DNAH8: variants seen among roughly 807,000 people sequenced by gnomAD.
DNAH8 encodes the protein axonemal beta dynein heavy chain 8.
In DNAH8, 382 loss-of-function variants were observed where a neutral mutation model predicts 562.1. The ratio of observed to expected loss-of-function variants is 0.68; its 90% CI spans 0.63 to 0.74. The LOEUF is 0.74. DNAH8 is among the 30% of genes least tolerant of loss of function. The pLI is 0.00. For synonymous variants in DNAH8, 1,881 were observed against 1,919.4 expected, an observed-to-expected ratio of 0.98 and a Z score of 0.52; for missense variants, 5,203 against 5,620.4, an observed-to-expected ratio of 0.93 and a Z score of 2.37.
At chr6:38,725,878 A>T (rs182329305) in intron 3 of DNAH8, among the ~76,000 whole-genome samples, 10 of 152,324 alleles carry the variant, frequency 6.6e-5, no homozygotes, top group Admixed American at 6.5e-4. Context: ...ACCAAATAGT[A>T]AGAGGATTTT....
intron 10 of DNAH8, among the ~76,000 whole-genome samples, chr6:38,761,317 G>A (rs1455814075): frequency 7.9e-6 from 1 of 126,918 alleles, no homozygotes; most frequent in East Asian, 2.4e-4. Context: ...GTGTCCATGT[G>A]TTCTCATTGT....
intron 66 of DNAH8, among the ~76,000 whole-genome samples, chr6:38,912,739 C>A (rs1045890948): frequency 6.6e-6 from 1 of 151,932 alleles, no homozygotes; most frequent in African/African-American, 2.4e-5. Flanking sequence ...TGTATACTTA[C>A]AATTAAACAA....
intron 60 of DNAH8, among the ~76,000 whole-genome samples, 154 bp from the exon 61 acceptor site, chr6:38,898,100 CTAAA>C (rs1779820611): frequency 6.6e-6 from 1 of 152,026 alleles, no homozygotes; most frequent in East Asian, 1.9e-4. Context: ...ATGGAAATAA[CTAAA>C]AGTAGACTAA....
chr6:38,792,000 C>G (rs934438435), intron 21 of DNAH8, among the ~76,000 whole-genome samples: 6 of 152,208 alleles, frequency 3.9e-5, no homozygotes, highest in African/African-American at 1.4e-4. Context: ...CATACTTTCC[C>G]TCTAAGTCAC....
At chr6:38,726,351 G>T (rs1468218144) in intron 3 of DNAH8, among the ~76,000 whole-genome samples, 1 of 152,188 alleles carries the variant, frequency 6.6e-6, no homozygotes, top group Non-Finnish European at 1.5e-5. Context: ...TTAAGTATTT[G>T]CCATCTGTAT....
chr6:38,819,161 C>T (rs577890804), intron 26 of DNAH8, among the ~76,000 whole-genome samples: 4 of 152,306 alleles, frequency 2.6e-5, no homozygotes, highest in African/African-American at 4.8e-5. Context: ...TAGGAGCCTT[C>T]GTCTCACATG....
chr6:38,822,731 G>C, intron 26 of DNAH8, 107 bp from the exon 27 acceptor site: 1 of 867,870 alleles, frequency 1.2e-6, no homozygotes, highest in Non-Finnish European at 1.7e-6. Flanking sequence ...CTTGGAGGGA[G>C]AATCTTTAAG....
rs763953846 is a variant in DNAH8, at chr6:38,864,040, T to C, written c.6478T>C (p.Phe2160Leu). 23 of 1,607,898 alleles carry C rather than the reference T, an allele frequency of 1.4e-5. No individual in the cohort carries two copies. The South Asian group carries it at 2.6e-4, about 18-fold the overall frequency. ...DGDCVDLNPE[F>L]GIFLTMNPGY... ...TGATTGTGTTGATTTAAATCCAGAA[T>C]TTGGAATCTTCTTAACGATGGTGAG... The change falls in exon 45 of 93, where the codon TTT becomes CTT. Residue 2160 changes from phenylalanine to leucine, a missense_variant. Coordinates refer to ENST00000327475, the MANE Select transcript of DNAH8 (RefSeq NM_001206927.2).
At chr6:38,922,889 T>C (rs553323338) in intron 71 of DNAH8, 169 bp from the exon 72 acceptor site, 8 of 638,968 alleles carry the variant, frequency 1.3e-5, no homozygotes, top group African/African-American at 9.2e-5. Flanking sequence ...CACTATATTA[T>C]GAATGATCAA....
In DNAH8 at chr6:38,911,534, T is replaced by G. The variant is rs763966538; in HGVS notation, c.9807T>G (p.Ile3269Met). 6.2e-7 allele frequency: 1 copy of G among 1,613,816 alleles called. No individual in the cohort carries two copies. The highest frequency in any genetic ancestry group is 1.1e-5 in the South Asian group (1 of 91,068). ...YLSFINGYKN[I>M]YAEKVKFINE... ...CATTTATAAATGGTTATAAAAACAT[T>G]TATGCTGAAAAGGTGAAGTTCATTA... The change falls in exon 66 of 93, where the codon ATT becomes ATG. Residue 3269 changes from isoleucine (I) to methionine (M), a missense_variant. Physicochemically the swap from Ile to Met is conservative, Grantham distance 10. Coordinates refer to ENST00000327475, the MANE Select transcript of DNAH8 (RefSeq NM_001206927.2).
At chr6:38,778,563 A>C (rs1266761277) in intron 14 of DNAH8, 99 bp downstream of exon 14, 11 of 718,494 alleles carry the variant, frequency 1.5e-5, no homozygotes, top group Non-Finnish European at 2.3e-5. Flanking sequence ...TCTGTCCTAC[A>C]TAAACCTTAA....
intron 53 of DNAH8, among the ~76,000 whole-genome samples, chr6:38,878,143 G>A (rs1034613607): frequency 2.0e-5 from 3 of 152,172 alleles, no homozygotes; most frequent in African/African-American, 4.8e-5. Flanking sequence ...TACTAAAGGT[G>A]TCAATATTTT....
intron 29 of DNAH8, among the ~76,000 whole-genome samples, chr6:38,827,568 C>T (rs958866984): frequency 2.0e-5 from 3 of 151,738 alleles, no homozygotes; most frequent in Non-Finnish European, 2.9e-5. Flanking sequence ...TTCTTGAACC[C>T]ATTGAGAGTT....
intron 79 of DNAH8, among the ~76,000 whole-genome samples, chr6:38,944,903 C>T (rs907704358): frequency 6.6e-5 from 10 of 151,628 alleles, no homozygotes; most frequent in Non-Finnish European, 1.2e-4. Flanking sequence ...CTTCTTTATT[C>T]CCCCCCTCTT....
chr6:38,823,794 A>T, intron 28 of DNAH8, 106 bp downstream of exon 28: 1 of 532,432 alleles, frequency 1.9e-6, no homozygotes, highest in Non-Finnish European at 3.2e-6. Flanking sequence ...GTATTATACC[A>T]AGATATAATA....
intron 91 of DNAH8, among the ~76,000 whole-genome samples, chr6:39,026,067 A>G (rs2150799769): frequency 6.6e-6 from 1 of 152,280 alleles, no homozygotes; most frequent in East Asian, 1.9e-4. Context: ...CAGGTTTTCT[A>G]TTTTGGCATT....
rs761637123 is a variant in DNAH8, at chr6:38,761,809, T to C, written c.1617+6T>C. ...TTGTACTAAAGAAAATTCAGGTTTG[T>C]AGAAGTACTTTTATTTTCATAAACT... On this transcript the variant is annotated splice_donor_region_variant and intron_variant, in intron 11 of 92. Transcript: ENST00000327475. 6 of 1,484,430 alleles carry C rather than the reference T, an allele frequency of 4.0e-6. No homozygotes were observed. The highest frequency in any genetic ancestry group is 2.3e-5 in the Admixed American group (1 of 43,060). 92.0% of individuals were successfully genotyped at this position (1,484,430 alleles called of 1,614,324 possible). A position where few individuals can be genotyped will look rare whatever the true frequency, so the allele number is the denominator to read the frequency against.
chr6:38,965,528 C>CA (rs1237067187), intron 82 of DNAH8, among the ~76,000 whole-genome samples: 3 of 151,812 alleles, frequency 2.0e-5, no homozygotes, highest in Non-Finnish European at 2.9e-5. Flanking sequence ...GAAGTAAATC[C>CA]AAAAAAATAA....
intron 21 of DNAH8, among the ~76,000 whole-genome samples, chr6:38,802,150 G>T (rs1025574965): frequency 6.6e-6 from 1 of 151,850 alleles, no homozygotes; most frequent in Non-Finnish European, 1.5e-5. Flanking sequence ...TGCCCAGGCT[G>T]GTCTCAAATT....
Sources: allele counts gnomAD v4.1 joint callset (sites outside exome capture counted in the v4.1 genomes callset), GRCh38; gene constraint gnomAD v4.1.1; transcripts MANE v1.5; gene names NCBI Gene and HGNC (gene_info 2026-07-23, HGNC 2026-07-21).